Variants in LRRC49 observed in about 807,000 individuals in gnomAD.
The protein encoded by LRRC49 is leucine-rich repeat-containing protein 49.
LRRC49 carries 50 observed loss-of-function variants against 83.3 expected under a neutral mutation model. The observed-to-expected ratio is 0.60, with a 90% confidence interval of 0.48 to 0.76. The LOEUF (loss-of-function observed/expected upper bound fraction) is 0.76. Ranked by LOEUF, LRRC49 falls within the 30% of genes least tolerant of loss-of-function variation. The pLI is 0.00. For synonymous variants in LRRC49, 286 were observed against 283.3 expected (o/e 1.01, Z -0.10); for missense variants, 704 against 809.1 (o/e 0.87, Z 1.58).
intron 8 of LRRC49, among the ~76,000 whole-genome samples, chr15:70,952,888 G>T (rs770441927): frequency 1.3e-5 from 2 of 152,044 alleles, no homozygotes; most frequent in African/African-American, 2.4e-5. Flanking sequence ...ATTATGTAAT[G>T]CCCTTTCTTT....
chr15:70,882,381 A>G (rs559810721), intron 2 of LRRC49: 2 of 1,270,402 alleles, frequency 1.6e-6, no homozygotes, highest in Non-Finnish European at 2.2e-6. Flanking sequence ...AAAGATTTAC[A>G]ATAGCAAAGA....
intron 8 of LRRC49, among the ~76,000 whole-genome samples, chr15:70,951,387 C>T (rs575906786): frequency 3.7e-4 from 57 of 152,128 alleles, no homozygotes; most frequent in African/African-American, 1.3e-3. Flanking sequence ...TTCTTCTTAT[C>T]CTTGAGCATG....
chr15:71,047,765 T>A (rs2039894968), intron 15 of LRRC49, among the ~76,000 whole-genome samples: 1 of 152,136 alleles, frequency 6.6e-6, no homozygotes. Context: ...GGATTTCATT[T>A]GTTTGTTTGT....
chr15:70,954,163 G>T (rs897734610), intron 8 of LRRC49, among the ~76,000 whole-genome samples: 2 of 152,194 alleles, frequency 1.3e-5, no homozygotes, highest in East Asian at 3.8e-4. Flanking sequence ...CCAAAGTGCT[G>T]GGATTACAGG....
rs990125055 is a variant in LRRC49 at position 70,911,678 on chromosome 15, C to G, written c.567+80C>G. 4.9e-6 allele frequency: 4 copies of G among 820,062 alleles called. No individual in the cohort carries two copies. In the African/African-American group the frequency reaches 7.1e-5, roughly 14 times the overall value. The allele number at this position is 820,062 out of a possible 1,614,324, so 50.8% of individuals were successfully genotyped here. On this transcript the variant is annotated intron_variant, in intron 6 of 15. Coordinates refer to ENST00000260382, the MANE Select transcript of LRRC49 (RefSeq NM_017691.5). ...GTATAAAAGTTTTAAGAATCATACT[C>G]GCATTGAATTTTTCAAGAGTTTCTT...
intron 11 of LRRC49, among the ~76,000 whole-genome samples, chr15:71,000,641 A>G (rs910117563): frequency 6.6e-6 from 1 of 152,090 alleles, no homozygotes. Context: ...CCTTTCATAT[A>G]TAGTTTGTTT....
At chr15:70,931,538 T>G (rs2141150151) in intron 7 of LRRC49, among the ~76,000 whole-genome samples, 1 of 152,252 alleles carries the variant, frequency 6.6e-6, no homozygotes, top group South Asian at 2.1e-4. Flanking sequence ...AAACCTTCAA[T>G]TTGTAAAATT....
intron 14 of LRRC49, among the ~76,000 whole-genome samples, chr15:71,015,071 G>A (rs1388759856): frequency 6.6e-6 from 1 of 152,058 alleles, no homozygotes; most frequent in Non-Finnish European, 1.5e-5. Context: ...TATAAAATTA[G>A]AAAATAATGG....
In LRRC49 at chr15:70,984,111, A is replaced by G; in HGVS notation, c.1023A>G (p.Thr341=). 1 of 1,612,194 alleles carries G rather than the reference A, an allele frequency of 6.2e-7. No individual in the cohort carries two copies. The highest frequency in any genetic ancestry group is 8.5e-7 in the Non-Finnish European group (1 of 1,179,300). The change falls in exon 11 of 16, where the codon ACA becomes ACG. Residue 341 remains threonine (T), a synonymous_variant. Transcript: ENST00000260382. ...TTTCATAGGAGAAGAAAAGGTTAAC[A>G]ATTAACAACGTAGCTCGACAGTGGG... is the stretch of plus-strand genomic sequence containing the variant. ...QSLLKEKKRL[T]INNVARQWDL... is the part of the protein sequence containing the mutation.
Position 70,894,520 on chromosome 15 carries a change from T to A in LRRC49, c.105+880T>A, listed in dbSNP as rs2033745177. The A allele has an allele frequency of 4.7e-5, 33 of 695,132 alleles. No individual in the cohort carries two copies. In the South Asian group the frequency reaches 5.3e-4, roughly 11 times the overall value. 43.1% of individuals were successfully genotyped at this position (695,132 alleles called of 1,614,324 possible). ...TAGAATTTCTGGCTTTTGATTTAAT[T>A]TTTGAGATTTTGAGATAAACATGTT... On this transcript the variant is annotated intron_variant, in intron 2 of 15. Coordinates refer to ENST00000260382, the MANE Select transcript of LRRC49 (RefSeq NM_017691.5).
chr15:70,906,758 G>A (rs2034331818), intron 5 of LRRC49, among the ~76,000 whole-genome samples: 1 of 152,154 alleles, frequency 6.6e-6, no homozygotes, highest in African/African-American at 2.4e-5. Context: ...GAGACTTAAT[G>A]CCTTTCTACT....
At chr15:70,981,180 G>A (rs552276347) in intron 10 of LRRC49, among the ~76,000 whole-genome samples, 2 of 152,020 alleles carry the variant, frequency 1.3e-5, no homozygotes, top group Non-Finnish European at 2.9e-5. Flanking sequence ...AGGATTGCTC[G>A]TGCAACTCTA....
At chr15:70,992,320 T>C (rs2141241259) in intron 11 of LRRC49, among the ~76,000 whole-genome samples, 1 of 152,348 alleles carries the variant, frequency 6.6e-6, no homozygotes, top group African/African-American at 2.4e-5. Flanking sequence ...CGTCAGTCAT[T>C]CTCCGTCCAG....
intron 15 of LRRC49, among the ~76,000 whole-genome samples, chr15:71,037,768 C>T (rs1408386188): frequency 1.3e-5 from 2 of 152,010 alleles, no homozygotes; most frequent in African/African-American, 4.8e-5. Flanking sequence ...TCATACCTTT[C>T]ATTCTACACC....
intron 7 of LRRC49, among the ~76,000 whole-genome samples, chr15:70,927,868 A>C (rs1057228297): frequency 6.6e-6 from 1 of 151,986 alleles, no homozygotes; most frequent in Non-Finnish European, 1.5e-5. Context: ...GGCTGGTCTC[A>C]AACACCTGGG....
intron 1 of LRRC49, chr15:70,853,656 C>T: frequency 3.1e-6 from 1 of 326,798 alleles, no homozygotes; most frequent in East Asian, 4.7e-5. Context: ...CCCTCAGATC[C>T]CGGCCGCCAG....
Position 70,914,834 on chromosome 15 carries a change from C to G in LRRC49, c.567+3236C>G, listed in dbSNP as rs2034697283. Among the ~76,000 whole-genome samples, 3 of 152,160 alleles carry G rather than the reference C, an allele frequency of 2.0e-5. No individual in the cohort carries two copies. The South Asian group carries it at 6.2e-4, about 32-fold the overall frequency. ...ATTTCTGTGGCTGCTTACCTGAAAG[C>G]AAACACTTGCCTTTTCTGTATTGGT... On this transcript the variant is annotated intron_variant, in intron 6 of 15. Coordinates refer to ENST00000260382, the MANE Select transcript of LRRC49 (RefSeq NM_017691.5).
chr15:70,892,383 C>T (rs750744862), upstream of LRRC49: 3 of 1,545,384 alleles, frequency 1.9e-6, no homozygotes, highest in Non-Finnish European at 2.6e-6. Context: ...CTGTCCACTC[C>T]GGGTCGGGAT....
At chr15:70,895,645 C>T (rs1291160803) in intron 2 of LRRC49, 4 of 459,516 alleles carry the variant, frequency 8.7e-6, no homozygotes, top group Non-Finnish European at 1.5e-5. Context: ...CCTTAAATGC[C>T]TGGAAGCCAC....
Sources: allele counts gnomAD v4.1 joint callset (sites outside exome capture counted in the v4.1 genomes callset), GRCh38; gene constraint gnomAD v4.1.1; transcripts MANE v1.5; gene names NCBI Gene and HGNC (gene_info 2026-07-23, HGNC 2026-07-21).